Variants in EYS observed in about 807,000 individuals in gnomAD.
The protein encoded by EYS is EGF-like photoreceptor maintenance factor, also known as protein eyes shut homolog.
In EYS, 250 loss-of-function variants were observed where a neutral mutation model predicts 282.1. The observed-to-expected ratio is 0.89, with a 90% CI of 0.80 to 0.98. The LOEUF is 0.98. EYS is among the 50% of genes least tolerant of loss of function. EYS has a pLI of 0.00. For missense variants in EYS, 4,016 were observed against 3,709.0 expected (o/e 1.08, Z -2.15); for synonymous variants, 1,355 against 1,282.9 (o/e 1.06, Z -1.20).
chr6:64,769,856 T>C (rs1773470716), intron 22 of EYS, among the ~76,000 whole-genome samples: 1 of 151,960 alleles, frequency 6.6e-6, no homozygotes, highest in Non-Finnish European at 1.5e-5. Context: ...TTTAAGGAAC[T>C]AAAAGTATTA....
intron 30 of EYS, among the ~76,000 whole-genome samples, chr6:64,236,794 T>C (rs532316983): frequency 5.3e-4 from 80 of 151,296 alleles, no homozygotes; most frequent in African/African-American, 1.9e-3. Context: ...TTTTTATATA[T>C]GTATATATTT....
chr6:64,877,961 A>G (rs1390851092), intron 19 of EYS, among the ~76,000 whole-genome samples: 4 of 152,192 alleles, frequency 2.6e-5, no homozygotes, highest in African/African-American at 9.6e-5. Flanking sequence ...GGCTGGGTGC[A>G]GTGGCTCATG....
At chr6:64,558,845 C>CT (rs1213550714) in intron 26 of EYS, among the ~76,000 whole-genome samples, 2 of 152,090 alleles carry the variant, frequency 1.3e-5, no homozygotes, top group South Asian at 2.1e-4. Flanking sequence ...TTCAAGGACT[C>CT]TTTTTTTAAC....
rs575624225 is a variant in EYS, at chr6:64,922,908, T to G, written c.2382-10165A>C. 2.0e-5 allele frequency among the ~76,000 whole-genome samples: 3 copies of G among 152,148 alleles called. No individual in the cohort carries two copies. In the South Asian group the frequency reaches 6.2e-4, roughly 32 times the overall value. On this transcript the variant is annotated intron_variant, in intron 15 of 42. Transcript: ENST00000503581. ...GTGGAGTAAGAGACCTACTTTGAAT[T>G]CTTTATCCAGCATCCCAACATTTCA...
chr6:63,984,329 T>A, intron 35 of EYS, 54 bp downstream of exon 35: 1 of 1,291,282 alleles, frequency 7.7e-7, no homozygotes, highest in Non-Finnish European at 1.1e-6. Flanking sequence ...TTTTGTTGTT[T>A]TAAGAATTTG....
At chr6:65,594,309 C>A (rs916480922) in intron 2 of EYS, among the ~76,000 whole-genome samples, 4 of 151,996 alleles carry the variant, frequency 2.6e-5, no homozygotes, top group African/African-American at 4.8e-5. Context: ...AACCAATAAG[C>A]AGATGAGCCT....
intron 26 of EYS, among the ~76,000 whole-genome samples, chr6:64,582,227 A>G (rs1766093092): frequency 6.6e-6 from 1 of 152,136 alleles, no homozygotes; most frequent in Non-Finnish European, 1.5e-5. Flanking sequence ...GCCTGTTAGG[A>G]ACTGGGCTGC....
intron 30 of EYS, among the ~76,000 whole-genome samples, chr6:64,234,415 T>C (rs1766521064): frequency 7.0e-6 from 1 of 143,130 alleles, no homozygotes; most frequent in Non-Finnish European, 1.5e-5. Flanking sequence ...TCACTTTCCT[T>C]TTAAAATCTG....
chr6:64,604,865 C>T (rs757736415), intron 24 of EYS, among the ~76,000 whole-genome samples: 5 of 151,966 alleles, frequency 3.3e-5, no homozygotes, highest in Admixed American at 2.0e-4. Context: ...GAGACAGATG[C>T]GCAGGCAACA....
chr6:65,276,207 T>A (rs1348125719), intron 12 of EYS, among the ~76,000 whole-genome samples: 1 of 152,124 alleles, frequency 6.6e-6, no homozygotes, highest in Non-Finnish European at 1.5e-5. Context: ...TTTAGAAGGC[T>A]GTATATGCTC....
At chr6:64,834,237 C>T (rs1011989427) in intron 19 of EYS, among the ~76,000 whole-genome samples, 1 of 151,722 alleles carries the variant, frequency 6.6e-6, no homozygotes, top group Non-Finnish European at 1.5e-5. Flanking sequence ...TGGAGGTATT[C>T]TTTAATTTAA....
chr6:65,195,354 A>G (rs1765739165), intron 12 of EYS, among the ~76,000 whole-genome samples: 2 of 152,042 alleles, frequency 1.3e-5, no homozygotes, highest in Non-Finnish European at 2.9e-5. Flanking sequence ...TTCATAAAAC[A>G]TCAGCCTGGA....
At chr6:64,165,350 ATAATTT>A in intron 31 of EYS, among the ~76,000 whole-genome samples, 1 of 152,190 alleles carries the variant, frequency 6.6e-6, no homozygotes, top group Admixed American at 6.5e-5. Flanking sequence ...TAATTAATCT[ATAATTT>A]TAATAAGATT....
At chr6:65,330,076 G>GAA (rs1769740422) in intron 11 of EYS, 1 of 983,590 alleles carries the variant, frequency 1.0e-6, no homozygotes, top group African/African-American at 1.8e-5. Context: ...TGTATGTTCA[G>GAA]AAAGTGAAAA....
At chr6:64,002,207 G>T (rs1227596917) in intron 33 of EYS, among the ~76,000 whole-genome samples, 1 of 152,108 alleles carries the variant, frequency 6.6e-6, no homozygotes, top group Admixed American at 6.6e-5. Context: ...CCAGCCCCTG[G>T]GTGGCCCAAC....
At chr6:65,133,927 A>T (rs1581940513) in intron 12 of EYS, among the ~76,000 whole-genome samples, 1 of 152,228 alleles carries the variant, frequency 6.6e-6, no homozygotes, top group East Asian at 1.9e-4. Flanking sequence ...TACAAGAAAA[A>T]AAAACCCACT....
intron 29 of EYS, among the ~76,000 whole-genome samples, chr6:64,339,565 G>A (rs556812563): frequency 2.0e-5 from 3 of 152,074 alleles, no homozygotes; most frequent in South Asian, 2.1e-4. Flanking sequence ...GTGGAAAACA[G>A]TGTGGAGATT....
At chr6:64,678,761 G>A (rs577548767) in intron 22 of EYS, among the ~76,000 whole-genome samples, 11 of 152,064 alleles carry the variant, frequency 7.2e-5, no homozygotes, top group African/African-American at 2.7e-4. Context: ...GAGGCGGGTG[G>A]ATCAATTGAG....
intron 22 of EYS, among the ~76,000 whole-genome samples, chr6:64,784,566 G>C (rs1175332416): frequency 6.6e-6 from 1 of 152,116 alleles, no homozygotes; most frequent in African/African-American, 2.4e-5. Context: ...AACCAGAAGA[G>C]AGCCTGGCAC....
Sources: allele counts gnomAD v4.1 joint callset (sites outside exome capture counted in the v4.1 genomes callset), GRCh38; gene constraint gnomAD v4.1.1; transcripts MANE v1.5; gene names NCBI Gene and HGNC (gene_info 2026-07-23, HGNC 2026-07-21).